GATA4: variants seen among roughly 807,000 people sequenced by gnomAD.
The protein encoded by GATA4 is transcription factor GATA-4.
GATA4 carries 7 observed loss-of-function variants against 37.9 expected under a neutral mutation model. The observed-to-expected ratio is 0.18, with a 90% CI of 0.11 to 0.35. The LOEUF (loss-of-function observed/expected upper bound fraction) is 0.35, where lower values mean the gene tolerates loss of function less well. Ranked by LOEUF, GATA4 falls within the 10% of genes least tolerant of loss-of-function variation. GATA4 has a pLI of 1.00. For missense variants in GATA4, 647 were observed against 653.0 expected, an observed-to-expected ratio of 0.99 and a Z score of 0.10; for synonymous variants, 372 against 292.6, an observed-to-expected ratio of 1.27 and a Z score of -2.77.
intron 3 of GATA4, 108 bp from the exon 4 acceptor site, chr8:11,750,003 C>G (rs576968707): frequency 6.6e-7 from 1 of 1,525,990 alleles, no homozygotes; most frequent in Non-Finnish European, 9.0e-7. Flanking sequence ...TCGTTAGGGC[C>G]CAGCCCTGCC....
chr8:11,747,859 A>G (rs1403615883), intron 2 of GATA4, among the ~76,000 whole-genome samples: 1 of 152,224 alleles, frequency 6.6e-6, no homozygotes, highest in African/African-American at 2.4e-5. Flanking sequence ...AGAATTTGTC[A>G]TTGGGAAAAT....
intron 6 of GATA4, 145 bp downstream of exon 6, chr8:11,757,228 C>T (rs2130349544): frequency 1.5e-6 from 2 of 1,291,144 alleles, no homozygotes; most frequent in East Asian, 2.5e-5. Context: ...GAAGACCCAG[C>T]CATTGAGCTG....
At chr8:11,681,547 CT>C in intron 1 of GATA4, 1 of 759,738 alleles carries the variant, frequency 1.3e-6, no homozygotes, top group Non-Finnish European at 1.6e-6. Context: ...GCTGTTGTTT[CT>C]TTAGATACTG....
At chr8:11,682,246 C>G (rs956260327) in intron 1 of GATA4, among the ~76,000 whole-genome samples, 1 of 152,180 alleles carries the variant, frequency 6.6e-6, no homozygotes, top group Non-Finnish European at 1.5e-5. Context: ...GCTTCTCCTG[C>G]TACATCGTTT....
At chr8:11,758,076 T>A (rs137987027) in intron 6 of GATA4, among the ~76,000 whole-genome samples, 1 of 152,292 alleles carries the variant, frequency 6.6e-6, no homozygotes, top group Non-Finnish European at 1.5e-5. Flanking sequence ...TAGCCCTGGT[T>A]GTATACTGTG....
At chr8:11,755,999 TTTAAA>T (rs1170993252) in intron 5 of GATA4, among the ~76,000 whole-genome samples, 1 of 150,778 alleles carries the variant, frequency 6.6e-6, no homozygotes, top group African/African-American at 2.4e-5. Context: ...ATTTATTAAA[TTTAAA>T]TTAGATTTAT....
Position 11,727,353 on chromosome 8 carries a change from G to T in GATA4, c.616+18425G>T, listed in dbSNP as rs192488103. 2.8e-3 allele frequency among the ~76,000 whole-genome samples: 423 copies of T among 152,310 alleles called. 2 individuals are homozygous for T. The highest frequency in any genetic ancestry group is 9.5e-3 in the African/African-American group (395 of 41,568). On this transcript the variant is annotated intron_variant, in intron 2 of 6. Coordinates refer to ENST00000532059, the MANE Select transcript of GATA4 (RefSeq NM_001308093.3). ...GGAGAATGGACCCGCCTGCTGGGAA[G>T]GGGGGAGAGCTGGCCATATAAGCAG...
chr8:11,693,552 CACACACACACAGAGAGAGAGAG>C (rs1333432713), intron 1 of GATA4, among the ~76,000 whole-genome samples: 8 of 118,190 alleles, frequency 6.8e-5, no homozygotes, highest in Admixed American at 4.4e-4. Flanking sequence ...CACACACACA[CACACACACACAGAGAGAGAGAG>C]AGAGAGAGAG....
At chr8:11,692,836 G>C in intron 1 of GATA4, 1 of 981,732 alleles carries the variant, frequency 1.0e-6, no homozygotes, top group Non-Finnish European at 1.2e-6. Flanking sequence ...AGAGGCGGGG[G>C]CGGCCGGCCG....
chr8:11,711,409 A>C (rs1800176459), intron 2 of GATA4, among the ~76,000 whole-genome samples: 1 of 152,200 alleles, frequency 6.6e-6, no homozygotes. Flanking sequence ...AACACAGGGC[A>C]TGTTGAACTT....
chr8:11,688,244 G>A (rs967604664), upstream of GATA4, among the ~76,000 whole-genome samples: 23 of 152,318 alleles, frequency 1.5e-4, no homozygotes, highest in East Asian at 5.8e-4. Flanking sequence ...TTTATAATGC[G>A]TCTATGCCTG....
At position 11,707,472 on chromosome 8, in the gene GATA4, C is replaced by T. The variant is rs181573260; in HGVS notation, c.-457-384C>T. On this transcript the variant is annotated intron_variant, in intron 1 of 6. Transcript: ENST00000532059. This position sits in a 1 kb window ranked among gnomAD's most constrained non-coding sequence, Gnocchi z 4.7. The stretch of plus-strand genomic sequence containing the variant: ...GGGGAACAGAGGAGATGAGAGATTT[C>T]TTGGGTCCCAGGCACTCTGCATTAA... 6.6e-6 allele frequency among the ~76,000 whole-genome samples: 1 copy of T among 152,152 alleles called. No individual in the cohort carries two copies. The highest frequency in any genetic ancestry group is 2.1e-4 in the South Asian group (1 of 4,828).
At chr8:11,743,209 G>A (rs1801845146) in intron 2 of GATA4, among the ~76,000 whole-genome samples, 1 of 152,266 alleles carries the variant, frequency 6.6e-6, no homozygotes. Flanking sequence ...TTATTTTTGA[G>A]TTGTGCATCC....
chr8:11,757,619 G>T (rs751123377), intron 6 of GATA4, among the ~76,000 whole-genome samples: 1 of 152,204 alleles, frequency 6.6e-6, no homozygotes, highest in East Asian at 1.9e-4. Context: ...TCCTGCAGAG[G>T]GCAGGCAGGG....
At chr8:11,751,394 AGATT>A (rs1802295345) in intron 4 of GATA4, among the ~76,000 whole-genome samples, 1 of 152,188 alleles carries the variant, frequency 6.6e-6, no homozygotes, top group Non-Finnish European at 1.5e-5. Context: ...GGATATGTAG[AGATT>A]GGTCACATGG....
upstream of GATA4, among the ~76,000 whole-genome samples, chr8:11,699,850 T>G (rs575878860): frequency 1.3e-5 from 2 of 152,374 alleles, no homozygotes; most frequent in South Asian, 4.1e-4. Context: ...TTTTTAAACA[T>G]TGATTTTATT....
At chr8:11,682,324 C>A (rs2129934025) in intron 1 of GATA4, among the ~76,000 whole-genome samples, 1 of 152,290 alleles carries the variant, frequency 6.6e-6, no homozygotes, top group South Asian at 2.1e-4. Context: ...ATAACTTTGC[C>A]TTGTTCACTA....
At chr8:11,739,662 T>A (rs1376086631) in intron 2 of GATA4, among the ~76,000 whole-genome samples, 1 of 148,314 alleles carries the variant, frequency 6.7e-6, no homozygotes, top group African/African-American at 2.6e-5. Flanking sequence ...CGCTGTCCCA[T>A]CGTCATTTCG....
chr8:11,679,125 A>G (rs1477791479), intron 1 of GATA4, among the ~76,000 whole-genome samples: 2 of 146,608 alleles, frequency 1.4e-5, no homozygotes, highest in African/African-American at 5.0e-5. Flanking sequence ...ATCAATCTCC[A>G]ATTGTCTAAA....
Sources: gnomAD v4.1 joint callset for allele counts (sites outside exome capture counted in the v4.1 genomes callset) on GRCh38, gnomAD v4.1.1 for gene constraint, Gnocchi (gnomAD v3.1) non-coding constraint, MANE v1.5 for transcripts, NCBI Gene and HGNC (gene_info 2026-07-23, HGNC 2026-07-21) for gene names.